ICA1: variants seen among roughly 807,000 people sequenced by gnomAD.
The protein encoded by ICA1 is islet cell autoantigen 1, also known as 69 kDa islet cell autoantigen.
In ICA1, 40 loss-of-function variants were observed where a neutral mutation model predicts 71.0. The observed-to-expected ratio is 0.56, with a 90% confidence interval of 0.44 to 0.73. ICA1 has a LOEUF of 0.73. ICA1 is among the 30% of genes least tolerant of loss of function. ICA1 has a pLI of 0.00. For synonymous variants in ICA1, 207 were observed against 209.5 expected (o/e 0.99, Z 0.10); for missense variants, 578 against 576.5 (o/e 1.00, Z -0.03).
intron 8 of ICA1, among the ~76,000 whole-genome samples, chr7:8,146,604 G>A (rs145360880): frequency 1.3e-5 from 2 of 152,016 alleles, no homozygotes; most frequent in East Asian, 3.9e-4. Context: ...GCACTGGAGG[G>A]GAAAATGATA....
intron 8 of ICA1, among the ~76,000 whole-genome samples, chr7:8,150,278 G>A (rs1314823165): frequency 6.6e-6 from 1 of 152,184 alleles, no homozygotes; most frequent in Non-Finnish European, 1.5e-5. Context: ...TTGTGATGCT[G>A]TGAGGATGAA....
At chr7:8,230,188 T>C (rs778071817) in intron 3 of ICA1, among the ~76,000 whole-genome samples, 7 of 152,232 alleles carry the variant, frequency 4.6e-5, no homozygotes, top group Non-Finnish European at 1.0e-4. Context: ...TCTGTTATTG[T>C]ACTGAAGAGC....
intron 8 of ICA1, among the ~76,000 whole-genome samples, chr7:8,156,069 A>G (rs987913876): frequency 6.6e-6 from 1 of 152,150 alleles, no homozygotes; most frequent in Non-Finnish European, 1.5e-5. Flanking sequence ...ATGAAGAACA[A>G]ATTCTTTGGC....
At chr7:8,162,249 T>C (rs1336497395) in intron 6 of ICA1, among the ~76,000 whole-genome samples, 3 of 152,222 alleles carry the variant, frequency 2.0e-5, no homozygotes, top group African/African-American at 7.2e-5. Context: ...TTTTGTAAGG[T>C]AATTTTAGAA....
intron 9 of ICA1, chr7:8,142,079 T>G (rs1161562171): frequency 8.2e-7 from 1 of 1,226,468 alleles, no homozygotes; most frequent in Non-Finnish European, 1.1e-6. Flanking sequence ...TAGATATAAA[T>G]AAGATAGACG....
intron 7 of ICA1, chr7:8,158,299 C>T: frequency 2.0e-6 from 1 of 507,108 alleles, no homozygotes; most frequent in Non-Finnish European, 3.5e-6. Flanking sequence ...GAAGGGACCC[C>T]ATAAGTAAAT....
intron 6 of ICA1, among the ~76,000 whole-genome samples, chr7:8,213,133 C>A (rs575943351): frequency 2.0e-5 from 3 of 152,148 alleles, no homozygotes; most frequent in Non-Finnish European, 4.4e-5. Flanking sequence ...AGGCACACAA[C>A]AAAACCTACA....
At position 8,145,764 on chromosome 7, in the gene ICA1, A is replaced by ATGTATG. The variant is rs1554288695; in HGVS notation, c.805-1793_805-1792insCATACA. The stretch of plus-strand genomic sequence containing the variant: ...AATCATTGTGTATATATATATATAT[A>ATGTATG]TATGTATATAAAATATATAGAGAGA... On this transcript the variant is annotated intron_variant, in intron 8 of 13. Coordinates refer to ENST00000402384, the MANE Select transcript of ICA1 (RefSeq NM_001136020.3). 3.0e-3 allele frequency among the ~76,000 whole-genome samples: 411 copies of ATGTATG among 136,326 alleles called. 17 individuals carry two copies. The highest frequency in any genetic ancestry group is 0.012 in the Middle Eastern group (3 of 258). 89.4% of individuals were successfully genotyped at this position (136,326 alleles called of 152,430 possible). A position where few individuals can be genotyped will look rare whatever the true frequency, so the allele number is the denominator to read the frequency against.
At position 8,197,284 on chromosome 7, in the gene ICA1, G is replaced by A. The variant is rs535640607; in HGVS notation, c.579+21021C>T. Among the ~76,000 whole-genome samples, 4 of 151,924 alleles carry A rather than the reference G, an allele frequency of 2.6e-5. No individual in the cohort carries two copies. The South Asian group carries it at 8.3e-4, about 32-fold the overall frequency. ...TAAAAAAAAGAAGAGGCTGGGTGTGGTGGCTCACGCCTGTAATCCCAGCAC... is the reference window on the plus strand; with the variant it reads ...TAAAAAAAAGAAGAGGCTGGGTGTGATGGCTCACGCCTGTAATCCCAGCAC... On this transcript the variant is annotated intron_variant, in intron 6 of 13. Coordinates refer to ENST00000402384, the MANE Select transcript of ICA1 (RefSeq NM_001136020.3).
At position 8,143,881 on chromosome 7, in the gene ICA1, G is replaced by T; in HGVS notation, c.896C>A (p.Pro299Gln). 6.2e-7 allele frequency: 1 copy of T among 1,603,938 alleles called. No homozygotes were observed. The highest frequency in any genetic ancestry group is 2.2e-5 in the East Asian group (1 of 44,792). The part of the protein sequence containing the change: ...QESTDAAVQE[P>Q]SQLISLEEEN... ...GAAGGAACCTGTGACTTACTGGCTC[G>T]GCTCCTGCACGGCTGCATCTGTACT... Residue 299 changes from proline (P) to glutamine (Q), a missense_variant, in exon 9 of 14, where the codon CCG becomes CAG. Physicochemically the swap from Pro to Gln is moderately conservative, Grantham distance 76 (BLOSUM62 -1). Coordinates refer to ENST00000402384, the MANE Select transcript of ICA1 (RefSeq NM_001136020.3).
rs535142941 is a variant in ICA1, at chr7:8,226,701, T to A, written c.256+1900A>T. 2.0e-5 allele frequency among the ~76,000 whole-genome samples: 3 copies of A among 152,222 alleles called. No homozygotes were observed. The highest frequency in any genetic ancestry group is 7.2e-5 in the African/African-American group (3 of 41,466). On this transcript the variant is annotated intron_variant, in intron 4 of 13. Coordinates refer to ENST00000402384, the MANE Select transcript of ICA1 (RefSeq NM_001136020.3). This position sits in a 1 kb window ranked among gnomAD's most constrained non-coding sequence, Gnocchi z 4.4. ...GTCTCTGCTGAGATGGCATGGCTCATGTGAGCTTAGCGGGTAGACATAAAA... is the reference window on the plus strand; with the variant it reads ...GTCTCTGCTGAGATGGCATGGCTCAAGTGAGCTTAGCGGGTAGACATAAAA...
Position 8,151,088 on chromosome 7 carries a change from G to A in ICA1, c.804+6028C>T, listed in dbSNP as rs117047835. The stretch of plus-strand genomic sequence containing the variant: ...CTATATGTCAGTGCTGAACCTAGCA[G>A]TACTATTAATTACAATCCCAACCTT... On this transcript the variant is annotated intron_variant, in intron 8 of 13. Transcript: ENST00000402384. Among the ~76,000 whole-genome samples the A allele has an allele frequency of 7.3e-3, 1,106 of 152,364 alleles. 34 individuals carry two copies. In the South Asian group the frequency reaches 0.081, roughly 11 times the overall value.
chr7:8,228,293 C>G (rs1799236961), intron 4 of ICA1, among the ~76,000 whole-genome samples: 3 of 137,336 alleles, frequency 2.2e-5, no homozygotes, highest in African/African-American at 1.1e-4. Flanking sequence ...AAGATAATCA[C>G]ATTAAAAAAA....
At chr7:8,251,527 A>G (rs551143451) in intron 1 of ICA1, among the ~76,000 whole-genome samples, 5 of 151,182 alleles carry the variant, frequency 3.3e-5, no homozygotes, top group African/African-American at 1.2e-4. Flanking sequence ...TCTAAGATAA[A>G]GCTTAGAGAT....
In ICA1 at chr7:8,210,611, T is replaced by C. The variant is rs572180031; in HGVS notation, c.579+7694A>G. Among the ~76,000 whole-genome samples the C allele has an allele frequency of 2.8e-3, 414 of 149,976 alleles. 2 individuals carry two copies. The highest frequency in any genetic ancestry group is 4.0e-3 in the Non-Finnish European group (268 of 67,744). On this transcript the variant is annotated intron_variant, in intron 6 of 13. Coordinates refer to ENST00000402384, the MANE Select transcript of ICA1 (RefSeq NM_001136020.3). ...TTATGCTCAAAAGACAATTTTTTTT[T>C]CAAAGACTCCATCCAACTAAAAGTA...
chr7:8,170,645 T>C (rs1034540866), intron 6 of ICA1, among the ~76,000 whole-genome samples: 1 of 152,018 alleles, frequency 6.6e-6, no homozygotes, highest in Non-Finnish European at 1.5e-5. Context: ...ATAATTAATT[T>C]TTATAACTTC....
chr7:8,262,476 TTCTC>T (rs1165939003), upstream of ICA1: 1 of 152,072 alleles, frequency 6.6e-6, no homozygotes, highest in Non-Finnish European at 1.5e-5. Flanking sequence ...GGGAGTGAGT[TTCTC>T]TCTCTCTACT....
chr7:8,195,261 G>A (rs1009868002), intron 6 of ICA1, among the ~76,000 whole-genome samples: 5 of 152,322 alleles, frequency 3.3e-5, no homozygotes, highest in Admixed American at 1.3e-4. Flanking sequence ...GGCTGGGTGC[G>A]GTGGCCCACG....
chr7:8,198,564 G>A (rs1235901549), intron 6 of ICA1, among the ~76,000 whole-genome samples: 1 of 152,182 alleles, frequency 6.6e-6, no homozygotes, highest in Non-Finnish European at 1.5e-5. Flanking sequence ...CAGACTTGAA[G>A]CAGGAAGCCA....
Sources: gnomAD v4.1 joint callset for allele counts (sites outside exome capture counted in the v4.1 genomes callset) on GRCh38, gnomAD v4.1.1 for gene constraint, Gnocchi (gnomAD v3.1) non-coding constraint, MANE v1.5 for transcripts, NCBI Gene and HGNC (gene_info 2026-07-23, HGNC 2026-07-21) for gene names.